The following UNC5C variants were observed in gnomAD, a reference collection of about 807,000 sequenced individuals.
The protein encoded by UNC5C is unc-5 netrin receptor C, also known as netrin receptor UNC5C.
Under a neutral mutation model 99.8 loss-of-function variants are expected in UNC5C, and 47 were observed. The observed-to-expected ratio is 0.47, with a 90% CI of 0.37 to 0.60. The LOEUF is 0.60. Among genes scored for constraint, UNC5C ranks in the 20% least tolerant of loss-of-function variants. The pLI is 0.00. For synonymous variants in UNC5C, 487 were observed against 452.2 expected (o/e 1.08, Z -0.98); for missense variants, 1,062 against 1,165.9 (o/e 0.91, Z 1.30).
chr4:95,373,769 T>C (rs1425200650), intron 1 of UNC5C, among the ~76,000 whole-genome samples: 2 of 152,164 alleles, frequency 1.3e-5, no homozygotes, highest in Non-Finnish European at 2.9e-5. Flanking sequence ...ATTTTACAAA[T>C]GTGGGAAGGG....
chr4:95,216,230 A>T lies in UNC5C; in HGVS notation c.1646-19T>A. 6.2e-7 allele frequency: 1 copy of T among 1,603,684 alleles called. No individual in the cohort carries two copies. The highest frequency in any genetic ancestry group is 8.5e-7 in the Non-Finnish European group (1 of 1,174,256). Reference sequence around the variant, plus strand: ...CTGACTCCTGAATAGCAAAAGAGAAAAGCAGTCATTTAAGACTTTTGCAGC... The same window carrying T: ...CTGACTCCTGAATAGCAAAAGAGAATAGCAGTCATTTAAGACTTTTGCAGC... On this transcript the variant is annotated intron_variant, in intron 9 of 15. Transcript: ENST00000453304.
intron 4 of UNC5C, among the ~76,000 whole-genome samples, chr4:95,258,340 T>A (rs1358466644): frequency 6.6e-6 from 1 of 152,212 alleles, no homozygotes; most frequent in Non-Finnish European, 1.5e-5. Context: ...AACCTGAGGC[T>A]TCTCTTTTCT....
intron 14 of UNC5C, among the ~76,000 whole-genome samples, chr4:95,175,362 G>C (rs368542919): frequency 0.066 from 10,001 of 151,798 alleles, 587 homozygotes; most frequent in African/African-American, 0.17. Context: ...ATTTTGGCAT[G>C]ATTTTGCAGT....
intron 12 of UNC5C, among the ~76,000 whole-genome samples, chr4:95,195,654 A>C (rs1737349192): frequency 6.6e-6 from 1 of 152,124 alleles, no homozygotes; most frequent in African/African-American, 2.4e-5. Flanking sequence ...TAAAAATATA[A>C]CTACCTTCTC....
At chr4:95,269,448 ATTTTTATT>A (rs549182460) in intron 4 of UNC5C, among the ~76,000 whole-genome samples, 120 of 152,002 alleles carry the variant, frequency 7.9e-4, no homozygotes, top group African/African-American at 2.8e-3. Context: ...TGCCTGGCTA[ATTTTTATT>A]TTTTTATTTT....
chr4:95,431,688 C>T lies in UNC5C; in HGVS notation c.125-96057G>A, dbSNP rs142778751. On this transcript the variant is annotated intron_variant, in intron 1 of 15. Transcript: ENST00000453304. ...CCTACACATGTCATTCCATTCCTCCCTACAGGAAATAGAGTAATGGCTCTG... is the reference window on the plus strand; with the variant it reads ...CCTACACATGTCATTCCATTCCTCCTTACAGGAAATAGAGTAATGGCTCTG... 4.0e-3 allele frequency among the ~76,000 whole-genome samples: 615 copies of T among 152,086 alleles called. 6 individuals are homozygous for T. The highest frequency in any genetic ancestry group is 0.014 in the African/African-American group (594 of 41,502).
chr4:95,370,487 C>A (rs961454769), intron 1 of UNC5C, among the ~76,000 whole-genome samples: 10 of 152,128 alleles, frequency 6.6e-5, no homozygotes, highest in Non-Finnish European at 1.3e-4. Flanking sequence ...GCTGCATATT[C>A]CTGGCCACAG....
intron 1 of UNC5C, among the ~76,000 whole-genome samples, chr4:95,519,597 C>T (rs1722299949): frequency 6.6e-6 from 1 of 151,898 alleles, no homozygotes; most frequent in Non-Finnish European, 1.5e-5. Context: ...TTGACTGGAA[C>T]TCATTGGACT....
chr4:95,387,590 A>C (rs1745247737), intron 1 of UNC5C, among the ~76,000 whole-genome samples: 1 of 152,214 alleles, frequency 6.6e-6, no homozygotes, highest in South Asian at 2.1e-4. Flanking sequence ...TGGAGGGCTA[A>C]CAACTCAATA....
chr4:95,313,253 G>C (rs751314407), intron 2 of UNC5C, among the ~76,000 whole-genome samples: 23 of 152,266 alleles, frequency 1.5e-4, no homozygotes, highest in Non-Finnish European at 2.5e-4. Flanking sequence ...GATTCATGAA[G>C]AGCTGTGAAT....
At chr4:95,291,586 A>G (rs1741452646) in intron 3 of UNC5C, among the ~76,000 whole-genome samples, 1 of 152,162 alleles carries the variant, frequency 6.6e-6, no homozygotes, top group African/African-American at 2.4e-5. Context: ...TAAATGCCTA[A>G]GAATTTGTGG....
At chr4:95,315,673 G>C (rs1742448713) in intron 2 of UNC5C, among the ~76,000 whole-genome samples, 1 of 152,102 alleles carries the variant, frequency 6.6e-6, no homozygotes, top group African/African-American at 2.4e-5. Context: ...TATGCAGTTA[G>C]AGCCATGAGG....
intron 13 of UNC5C, 50 bp downstream of exon 13, chr4:95,184,997 C>T (rs1736773317): frequency 6.6e-7 from 1 of 1,505,768 alleles, no homozygotes. Context: ...AATTTTAGAC[C>T]TCTTTCTTAG....
chr4:95,341,652 A>C (rs577702512), intron 1 of UNC5C, among the ~76,000 whole-genome samples: 1 of 152,162 alleles, frequency 6.6e-6, no homozygotes, highest in Non-Finnish European at 1.5e-5. Context: ...CAGGAACATC[A>C]AATTGACTAT....
chr4:95,324,425 T>G (rs1742812622), intron 2 of UNC5C, among the ~76,000 whole-genome samples: 1 of 152,194 alleles, frequency 6.6e-6, no homozygotes, highest in African/African-American at 2.4e-5. Flanking sequence ...AATCATGCCA[T>G]TATATATTAC....
At position 95,204,488 on chromosome 4, in the gene UNC5C, G is replaced by A. The variant is rs537054094; in HGVS notation, c.1903-1524C>T. Among the ~76,000 whole-genome samples, 10 of 152,334 alleles carry A rather than the reference G, an allele frequency of 6.6e-5. No individual in the cohort carries two copies. The South Asian group carries it at 8.3e-4, about 13-fold the overall frequency. ...CAGCCTCTGCTGGGCTTCGGCCTAC[G>A]GTTGCTATGCAGGAATGCAGGCCAA... On this transcript the variant is annotated intron_variant, in intron 11 of 15. Transcript: ENST00000453304.
intron 4 of UNC5C, among the ~76,000 whole-genome samples, chr4:95,258,257 A>G (rs185967428): frequency 1.3e-5 from 2 of 152,226 alleles, no homozygotes; most frequent in Admixed American, 1.3e-4. Context: ...TTGGTTAACC[A>G]GGAGTCAGTA....
chr4:95,373,566 A>G (rs1044068783), intron 1 of UNC5C, among the ~76,000 whole-genome samples: 6 of 152,112 alleles, frequency 3.9e-5, no homozygotes, highest in African/African-American at 1.4e-4. Flanking sequence ...ATGTGTTGAT[A>G]TGATGTTTAT....
intron 2 of UNC5C, among the ~76,000 whole-genome samples, chr4:95,332,798 G>A (rs574179784): frequency 6.6e-6 from 1 of 151,364 alleles, no homozygotes; most frequent in South Asian, 2.1e-4. Flanking sequence ...TACAAAATGG[G>A]AGAAAATTTT....
Sources: gnomAD v4.1 joint callset for allele counts (sites outside exome capture counted in the v4.1 genomes callset) on GRCh38, gnomAD v4.1.1 for gene constraint, MANE v1.5 for transcripts, NCBI Gene and HGNC (gene_info 2026-07-23, HGNC 2026-07-21) for gene names.